The following BMP5 variants were observed in gnomAD, a reference collection of about 807,000 sequenced individuals.
The protein encoded by BMP5 is bone morphogenetic protein 5.
BMP5 carries 23 observed loss-of-function variants against 46.6 expected under a neutral mutation model. That is an observed-to-expected ratio of 0.49 (90% CI 0.35 to 0.70). The LOEUF is 0.70. Ranked by LOEUF, BMP5 falls within the 30% of genes least tolerant of loss-of-function variation. The pLI, the probability that BMP5 is intolerant of heterozygous loss-of-function variation, is 0.00. For synonymous variants in BMP5, 204 were observed against 191.9 expected (o/e 1.06, Z -0.52); for missense variants, 545 against 565.6 (o/e 0.96, Z 0.37).
intron 1 of BMP5, among the ~76,000 whole-genome samples, chr6:55,830,257 A>G (rs559360479): frequency 6.6e-4 from 100 of 152,218 alleles, no homozygotes; most frequent in African/African-American, 2.3e-3. Context: ...CAGAATCAAT[A>G]AAGAAATCAC....
chr6:55,791,392 G>T (rs138808156), intron 3 of BMP5, among the ~76,000 whole-genome samples: 1 of 152,060 alleles, frequency 6.6e-6, no homozygotes, highest in Non-Finnish European at 1.5e-5. Flanking sequence ...TTAACCATTT[G>T]AAAATTCTTC....
rs115485787 is a variant in BMP5, at chr6:55,802,895, A to G, written c.684-8468T>C. Among the ~76,000 whole-genome samples, 1,193 of 151,670 alleles carry G rather than the reference A, an allele frequency of 7.9e-3. 14 individuals are homozygous for G. Among genetic ancestry groups the G allele is most frequent in the African/African-American group, 0.027 (1,113 of 41,270 alleles). The stretch of plus-strand genomic sequence containing the variant: ...CACATATTTCAGTATTGAAATTACA[A>G]TACTTCAAAGGGGGAGTATGGCTCA... On this transcript the variant is annotated intron_variant, in intron 2 of 6. Coordinates refer to ENST00000370830, the MANE Select transcript of BMP5 (RefSeq NM_021073.4).
intron 6 of BMP5, among the ~76,000 whole-genome samples, chr6:55,758,402 A>G (rs1774669426): frequency 6.6e-6 from 1 of 151,894 alleles, no homozygotes; most frequent in Non-Finnish European, 1.5e-5. Context: ...TCAACCCTTC[A>G]GTACATTGTT....
At chr6:55,777,845 C>T (rs1416472464) in intron 3 of BMP5, among the ~76,000 whole-genome samples, 2 of 150,762 alleles carry the variant, frequency 1.3e-5, no homozygotes, top group African/African-American at 2.5e-5. Flanking sequence ...TACCCAAAGT[C>T]TCTAAAATAC....
At chr6:55,865,690 T>C (rs1319675332) in intron 1 of BMP5, among the ~76,000 whole-genome samples, 1 of 152,202 alleles carries the variant, frequency 6.6e-6, no homozygotes, top group Admixed American at 6.5e-5. Context: ...AATGTAGATT[T>C]CCTCTAACAT....
At chr6:55,774,286 A>G (rs752572133) in intron 3 of BMP5, 43 bp from the exon 4 acceptor site, 1 of 1,562,334 alleles carries the variant, frequency 6.4e-7, no homozygotes, top group Non-Finnish European at 8.8e-7. Flanking sequence ...AAAAAGAAAG[A>G]ACAATTACCT....
chr6:55,850,090 T>G (rs1309887082), intron 1 of BMP5, among the ~76,000 whole-genome samples: 4 of 152,136 alleles, frequency 2.6e-5, no homozygotes. Context: ...ATACATCACC[T>G]TTCCTTGAAA....
intron 1 of BMP5, among the ~76,000 whole-genome samples, chr6:55,822,882 C>A (rs1040174042): frequency 6.6e-6 from 1 of 152,124 alleles, no homozygotes; most frequent in Non-Finnish European, 1.5e-5. Flanking sequence ...CCACACAGAA[C>A]GAAGTTGCAT....
At chr6:55,758,977 T>C in intron 6 of BMP5, 28 bp downstream of exon 6, 1 of 1,442,316 alleles carries the variant, frequency 6.9e-7, no homozygotes, top group Non-Finnish European at 9.8e-7. Flanking sequence ...TTCTAAGCTT[T>C]TCTTAATCCT....
At chr6:55,820,312 G>C (rs1430289259) in intron 1 of BMP5, among the ~76,000 whole-genome samples, 1 of 152,118 alleles carries the variant, frequency 6.6e-6, no homozygotes. Flanking sequence ...GCCTTTCAAA[G>C]TTCAAGTAAA....
At chr6:55,851,889 T>C (rs1777252462) in intron 1 of BMP5, among the ~76,000 whole-genome samples, 1 of 152,140 alleles carries the variant, frequency 6.6e-6, no homozygotes, top group East Asian at 1.9e-4. Flanking sequence ...ATGTCAGATG[T>C]TGGGAAGTTT....
intron 1 of BMP5, among the ~76,000 whole-genome samples, chr6:55,846,635 C>T (rs1777103857): frequency 1.3e-5 from 2 of 151,778 alleles, no homozygotes; most frequent in South Asian, 4.1e-4. Flanking sequence ...TCTTATTTAT[C>T]CAGACACTAA....
intron 4 of BMP5, 107 bp downstream of exon 4, chr6:55,773,942 T>C: frequency 5.8e-6 from 7 of 1,204,476 alleles, no homozygotes; most frequent in Non-Finnish European, 8.6e-6. Context: ...AGATTTAATG[T>C]ACCATCCGAA....
In BMP5 at chr6:55,755,422, A is replaced by G; in HGVS notation, c.*111T>C. 9.4e-7 allele frequency: 1 copy of G among 1,061,186 alleles called. No individual in the cohort carries two copies. The highest frequency in any genetic ancestry group is 1.4e-6 in the Non-Finnish European group (1 of 710,522). 65.7% of individuals were successfully genotyped at this position (1,061,186 alleles called of 1,614,324 possible). ...GATATTGTACATAGGAAAAGAGTCA[A>G]AATGAGCCAGACTAATTTTAGGAAA... On this transcript the variant is annotated 3_prime_UTR_variant, in exon 7 of 7. Coordinates refer to ENST00000370830, the MANE Select transcript of BMP5 (RefSeq NM_021073.4).
chr6:55,838,687 A>G (rs1281807188), intron 1 of BMP5, among the ~76,000 whole-genome samples: 1 of 152,062 alleles, frequency 6.6e-6, no homozygotes, highest in African/African-American at 2.4e-5. Context: ...TGACATCTGG[A>G]CTTCTCCAGG....
chr6:55,762,649 G>C (rs1295957906), intron 4 of BMP5, among the ~76,000 whole-genome samples: 1 of 151,936 alleles, frequency 6.6e-6, no homozygotes, highest in African/African-American at 2.4e-5. Context: ...ACATGAAATG[G>C]TTAAATTTCC....
At chr6:55,836,974 T>C (rs1268580456) in intron 1 of BMP5, among the ~76,000 whole-genome samples, 1 of 152,120 alleles carries the variant, frequency 6.6e-6, no homozygotes, top group Non-Finnish European at 1.5e-5. Context: ...GAAGTAGTGC[T>C]ATCAAATGTG....
At chr6:55,770,914 TG>T (rs1741959441) in intron 4 of BMP5, among the ~76,000 whole-genome samples, 1 of 151,910 alleles carries the variant, frequency 6.6e-6, no homozygotes, top group South Asian at 2.1e-4. Flanking sequence ...AAATTTGTGG[TG>T]TCACAAAACA....
At chr6:55,852,993 G>A (rs1015341666) in intron 1 of BMP5, among the ~76,000 whole-genome samples, 1 of 151,856 alleles carries the variant, frequency 6.6e-6, no homozygotes, top group Non-Finnish European at 1.5e-5. Flanking sequence ...AGCTGGGCAT[G>A]GTGGTGCCCG....
Sources: allele counts gnomAD v4.1 joint callset (sites outside exome capture counted in the v4.1 genomes callset), GRCh38; gene constraint gnomAD v4.1.1; transcripts MANE v1.5; gene names NCBI Gene and HGNC (gene_info 2026-07-23, HGNC 2026-07-21).